The following UST variants were observed in gnomAD, a reference collection of about 807,000 sequenced individuals.
The protein encoded by UST is uronyl 2-sulfotransferase, also known as chondroitin sulfate 2-O-sulfotransferase.
Under a neutral mutation model 45.6 loss-of-function variants are expected in UST, and 21 were observed. That is an observed-to-expected ratio of 0.46 (90% CI 0.33 to 0.66). The LOEUF (loss-of-function observed/expected upper bound fraction) is 0.66, where lower values mean the gene tolerates loss of function less well. Among genes scored for constraint, UST ranks in the 30% least tolerant of loss-of-function variants. The probability of loss-of-function intolerance (pLI) is 0.02; values close to 1 mark genes in which losing one functional copy is unlikely to be tolerated. For missense variants in UST, 463 were observed against 512.4 expected (o/e 0.90, Z 0.93); for synonymous variants, 215 against 200.6 (o/e 1.07, Z -0.61).
intron 5 of UST, among the ~76,000 whole-genome samples, chr6:149,010,604 G>T (rs1035353026): frequency 3.3e-5 from 5 of 152,036 alleles, no homozygotes; most frequent in African/African-American, 1.2e-4. Context: ...ATAAAACTGT[G>T]ACTATTTCGG....
At chr6:148,768,263 A>G (rs1420843049) in intron 1 of UST, among the ~76,000 whole-genome samples, 1 of 152,206 alleles carries the variant, frequency 6.6e-6, no homozygotes, top group Non-Finnish European at 1.5e-5. Flanking sequence ...TTATGCTTGT[A>G]AGACATGGGT....
At chr6:148,912,774 T>A (rs1639077448) in intron 2 of UST, among the ~76,000 whole-genome samples, 2 of 152,184 alleles carry the variant, frequency 1.3e-5, no homozygotes, top group Admixed American at 6.5e-5. Flanking sequence ...TTTAACAAAC[T>A]CTCTTTGGAG....
chr6:149,070,078 T>C (rs1183096859), intron 7 of UST, among the ~76,000 whole-genome samples: 19 of 151,988 alleles, frequency 1.3e-4, no homozygotes, highest in Admixed American at 1.2e-3. Context: ...GGCCAAATAA[T>C]TTAAGTAATG....
intron 7 of UST, among the ~76,000 whole-genome samples, chr6:149,045,050 G>C (rs1475884187): frequency 1.3e-5 from 2 of 152,158 alleles, no homozygotes; most frequent in East Asian, 3.9e-4. Context: ...TTTATTAGGG[G>C]TGTAACTAAT....
chr6:149,036,296 A>G lies in UST; in HGVS notation c.937+14815A>G, dbSNP rs368537939. Among the ~76,000 whole-genome samples, 48 of 152,274 alleles carry G rather than the reference A, an allele frequency of 3.2e-4. No homozygotes were observed. In the East Asian group the frequency reaches 5.0e-3, roughly 16 times the overall value. ...CTCTGACTCTCAGCTGGGTGAGCTG[A>G]CACTCCCGAGCCATGTCCCTTTTCG... On this transcript the variant is annotated intron_variant, in intron 7 of 7. Transcript: ENST00000367463.
intron 7 of UST, among the ~76,000 whole-genome samples, chr6:149,022,818 T>A (rs1406673106): frequency 1.3e-5 from 2 of 152,142 alleles, no homozygotes; most frequent in East Asian, 3.9e-4. Flanking sequence ...AGGTGGATAG[T>A]TGGTGGAGGC....
In UST at chr6:148,790,636, A is replaced by G. The variant is rs1356161670; in HGVS notation, c.247+42959A>G. ...TTCTGAGCATGGCTACCGATGTGTC[A>G]TGGCTGGGTCCCTCCTTCAGCCTGG... On this transcript the variant is annotated intron_variant, in intron 1 of 7. Coordinates refer to ENST00000367463, the MANE Select transcript of UST (RefSeq NM_005715.3). This position sits in a 1 kb window ranked among gnomAD's most constrained non-coding sequence, Gnocchi z 4.2. 6.6e-6 allele frequency among the ~76,000 whole-genome samples: 1 copy of G among 152,122 alleles called. No homozygotes were observed. Among genetic ancestry groups the G allele is most frequent in the Non-Finnish European group, 1.5e-5 (1 of 68,008 alleles).
At chr6:148,768,840 C>T (rs773131018) in intron 1 of UST, among the ~76,000 whole-genome samples, 3 of 152,224 alleles carry the variant, frequency 2.0e-5, no homozygotes, top group Non-Finnish European at 4.4e-5. Context: ...GGTCCCTCTT[C>T]GCGATACTAG....
intron 3 of UST, among the ~76,000 whole-genome samples, chr6:148,952,113 T>C (rs528734256): frequency 4.6e-5 from 7 of 152,342 alleles, no homozygotes; most frequent in Admixed American, 2.6e-4. Context: ...GATAAAAGTG[T>C]TAATGGTCTT....
rs900107634 is a variant in UST, at chr6:149,007,415, G to A, written c.682-11724G>A. Among the ~76,000 whole-genome samples the A allele has an allele frequency of 2.6e-4, 39 of 150,762 alleles. 1 individual carries two copies. The highest frequency in any genetic ancestry group is 9.5e-4 in the African/African-American group (39 of 41,014). ...CCATTCTCCTGCCTCAGCCTCCTGA[G>A]TAGCTGGGACTACAGGCGCCCGCTA... On this transcript the variant is annotated intron_variant, in intron 5 of 7. Coordinates refer to ENST00000367463, the MANE Select transcript of UST (RefSeq NM_005715.3).
At chr6:148,840,731 A>T (rs1777872763) in intron 1 of UST, among the ~76,000 whole-genome samples, 1 of 152,208 alleles carries the variant, frequency 6.6e-6, no homozygotes, top group Admixed American at 6.5e-5. Context: ...AAAAATCTGC[A>T]TATAAGTGGG....
At chr6:148,937,665 C>A (rs1203075202) in intron 2 of UST, among the ~76,000 whole-genome samples, 2 of 152,202 alleles carry the variant, frequency 1.3e-5, no homozygotes, top group Non-Finnish European at 2.9e-5. Context: ...CCAAGAGGCA[C>A]CTGTACTCTT....
chr6:148,770,775 A>T (rs1776410944), intron 1 of UST, among the ~76,000 whole-genome samples: 1 of 152,190 alleles, frequency 6.6e-6, no homozygotes, highest in South Asian at 2.1e-4. Context: ...ATTCAGAGAC[A>T]TGAATGGCCC....
chr6:148,820,666 C>G (rs1307127848), intron 1 of UST, among the ~76,000 whole-genome samples: 2 of 151,688 alleles, frequency 1.3e-5, no homozygotes, highest in Non-Finnish European at 2.9e-5. Context: ...CTGGCTAACA[C>G]GATGAAACCC....
intron 5 of UST, among the ~76,000 whole-genome samples, chr6:149,012,550 G>T (rs767420288): frequency 6.6e-6 from 1 of 152,128 alleles, no homozygotes; most frequent in Non-Finnish European, 1.5e-5. Flanking sequence ...TATTTTTAGC[G>T]TGTGAAGACT....
intron 1 of UST, among the ~76,000 whole-genome samples, chr6:148,828,361 A>G (rs1004987632): frequency 9.2e-5 from 14 of 152,198 alleles, no homozygotes; most frequent in Non-Finnish European, 2.1e-4. Flanking sequence ...GAACAAAATC[A>G]TAAGTTAATA....
intron 1 of UST, among the ~76,000 whole-genome samples, chr6:148,764,007 G>T (rs546840753): frequency 2.6e-5 from 4 of 152,166 alleles, no homozygotes; most frequent in South Asian, 4.1e-4. Flanking sequence ...TGAATTTTAG[G>T]ATTGTTTTTT....
chr6:148,886,949 A>G (rs1480826258), intron 1 of UST, 37 bp from the exon 2 acceptor site: 7 of 1,584,256 alleles, frequency 4.4e-6, no homozygotes, highest in Non-Finnish European at 6.1e-6. Context: ...TTGGGATTTA[A>G]AAAACGGATT....
At chr6:148,953,138 G>T (rs1462588416) in intron 3 of UST, among the ~76,000 whole-genome samples, 2 of 152,076 alleles carry the variant, frequency 1.3e-5, no homozygotes, top group South Asian at 2.1e-4. Context: ...GAATGAAGTA[G>T]TACCTCATTT....
Sources: gnomAD v4.1 joint callset for allele counts (sites outside exome capture counted in the v4.1 genomes callset) on GRCh38, gnomAD v4.1.1 for gene constraint, Gnocchi (gnomAD v3.1) non-coding constraint, MANE v1.5 for transcripts, NCBI Gene and HGNC (gene_info 2026-07-23, HGNC 2026-07-21) for gene names.